Variants in TTC28 observed in about 807,000 individuals in gnomAD.
TTC28 encodes tetratricopeptide repeat protein 28.
A neutral mutation model predicts 198.0 loss-of-function variants in TTC28; 61 were observed. The ratio of observed to expected loss-of-function variants is 0.31; its 90% CI spans 0.25 to 0.38. TTC28 has a LOEUF of 0.38. Ranked by LOEUF, TTC28 falls within the 10% of genes least tolerant of loss-of-function variation. TTC28 has a pLI of 1.00. For missense variants in TTC28, 2,678 were observed against 3,164.0 expected, an observed-to-expected ratio of 0.85 and a Z score of 3.69; for synonymous variants, 1,171 against 1,297.8, an observed-to-expected ratio of 0.90 and a Z score of 2.10.
chr22:28,654,405 G>A (rs1385303183), intron 1 of TTC28, among the ~76,000 whole-genome samples: 3 of 152,130 alleles, frequency 2.0e-5, no homozygotes, highest in Non-Finnish European at 2.9e-5. Flanking sequence ...TCAGCTCACT[G>A]CAACCTCTGC....
At position 28,369,185 on chromosome 22, in the gene TTC28, A is replaced by G. The variant is rs191913822; in HGVS notation, c.382-62542T>C. Among the ~76,000 whole-genome samples, 9 of 152,310 alleles carry G rather than the reference A, an allele frequency of 5.9e-5. No individual in the cohort carries two copies. The East Asian group carries it at 1.7e-3, about 29-fold the overall frequency. On this transcript the variant is annotated intron_variant, in intron 2 of 22. Coordinates refer to ENST00000397906, the MANE Select transcript of TTC28 (RefSeq NM_001145418.2). ...AATCACATACCAGACTTCAAATTACACTACAGAACTATAGTAACCAAAACA... is the reference window on the plus strand; with the variant it reads ...AATCACATACCAGACTTCAAATTACGCTACAGAACTATAGTAACCAAAACA...
chr22:28,675,570 G>A (rs183494059), intron 1 of TTC28, among the ~76,000 whole-genome samples: 4 of 150,252 alleles, frequency 2.7e-5, no homozygotes, highest in East Asian at 2.0e-4. Context: ...TGGGCAACAC[G>A]GCAAAACTCC....
At chr22:28,485,366 A>G (rs1363127029) in intron 2 of TTC28, among the ~76,000 whole-genome samples, 1 of 152,212 alleles carries the variant, frequency 6.6e-6, no homozygotes, top group Admixed American at 6.5e-5. Flanking sequence ...CAGTGACTTT[A>G]TGTTGCCTTT....
At chr22:28,072,111 G>C (rs1169045872) in intron 12 of TTC28, among the ~76,000 whole-genome samples, 3 of 152,248 alleles carry the variant, frequency 2.0e-5, no homozygotes, top group Non-Finnish European at 4.4e-5. Context: ...CTTCACAGGA[G>C]TGGAAGTGGA....
Position 28,204,877 on chromosome 22 carries a change from G to A in TTC28, c.934-41278C>T, listed in dbSNP as rs567419761. On this transcript the variant is annotated intron_variant, in intron 5 of 22. Transcript: ENST00000397906. ...TTCAAAGAAAATTAAATGTCTAAAT[G>A]ATGAGGACTCCTGGTAGCAGTAAAT... Among the ~76,000 whole-genome samples, 435 of 152,244 alleles carry A rather than the reference G, an allele frequency of 2.9e-3. 1 individual carries two copies. The highest frequency in any genetic ancestry group is 2.3e-3 in the Non-Finnish European group (155 of 68,016).
At chr22:28,286,764 A>T (rs576769971) in intron 5 of TTC28, among the ~76,000 whole-genome samples, 123 of 152,258 alleles carry the variant, frequency 8.1e-4, no homozygotes, top group African/African-American at 2.8e-3. Flanking sequence ...AGGGAAAAAT[A>T]AAATTTAAAA....
intron 5 of TTC28, among the ~76,000 whole-genome samples, chr22:28,258,160 G>A (rs1931087407): frequency 6.6e-6 from 1 of 152,130 alleles, no homozygotes; most frequent in South Asian, 2.1e-4. Flanking sequence ...TCAAAGAGCT[G>A]TGCCTGACTT....
chr22:28,186,843 C>T (rs1924249058), intron 5 of TTC28, among the ~76,000 whole-genome samples: 1 of 152,170 alleles, frequency 6.6e-6, no homozygotes, highest in Admixed American at 6.5e-5. Flanking sequence ...GATGGTAGCT[C>T]TGATGGTGCC....
chr22:28,622,444 C>T (rs762665466), intron 2 of TTC28, among the ~76,000 whole-genome samples: 3 of 151,790 alleles, frequency 2.0e-5, no homozygotes, highest in Non-Finnish European at 4.4e-5. Context: ...AAGATAATTA[C>T]CTGTCAAATA....
chr22:28,282,856 T>C (rs910939776), intron 5 of TTC28, among the ~76,000 whole-genome samples: 2 of 152,200 alleles, frequency 1.3e-5, no homozygotes, highest in African/African-American at 4.8e-5. Context: ...TTGGAAAAGA[T>C]GAAACAGCTG....
rs372835544 is a variant in TTC28 at position 28,007,355 on chromosome 22, C to T, written c.4219-5802G>A. On this transcript the variant is annotated intron_variant, in intron 14 of 22. Coordinates refer to ENST00000397906, the MANE Select transcript of TTC28 (RefSeq NM_001145418.2). ...CACCCTCAACCATAACTGAAGCCCA[C>T]CAAGACTGTAGATACTGTATTTCAG... 2.0e-5 allele frequency: 3 copies of T among 152,122 alleles called. No homozygotes were observed. The South Asian group carries it at 6.2e-4, about 32-fold the overall frequency. 9.4% of individuals were successfully genotyped at this position (152,122 alleles called of 1,614,324 possible).
chr22:28,036,294 A>G (rs1939341526), intron 12 of TTC28, among the ~76,000 whole-genome samples: 1 of 152,248 alleles, frequency 6.6e-6, no homozygotes, highest in Non-Finnish European at 1.5e-5. Flanking sequence ...CAAATGTAAA[A>G]GAACAGAAAT....
Position 28,134,493 on chromosome 22 carries a change from C to A in TTC28, c.1442-26090G>T, listed in dbSNP as rs896240306. Among the ~76,000 whole-genome samples, 3 of 152,116 alleles carry A rather than the reference C, an allele frequency of 2.0e-5. No individual in the cohort carries two copies. In the East Asian group the frequency reaches 5.8e-4, roughly 29 times the overall value. The stretch of plus-strand genomic sequence containing the variant: ...TAGACGAATGGCTAACTAGAATAAC[C>A]AGTGTAGAGAAGTCCTGATGGAGCT... On this transcript the variant is annotated intron_variant, in intron 6 of 22. Transcript: ENST00000397906.
chr22:28,539,772 C>CCTGG (rs1465414442), intron 2 of TTC28, among the ~76,000 whole-genome samples: 2 of 151,948 alleles, frequency 1.3e-5, no homozygotes, highest in Non-Finnish European at 2.9e-5. Flanking sequence ...CAGTGTCAGA[C>CCTGG]CTTGCATCAG....
chr22:28,336,813 G>C (rs1407015739), intron 2 of TTC28, among the ~76,000 whole-genome samples: 5 of 151,936 alleles, frequency 3.3e-5, no homozygotes, highest in African/African-American at 1.2e-4. Flanking sequence ...CTGATTTTTT[G>C]AGGGGCTTTT....
chr22:28,359,878 A>T (rs1208609939), intron 2 of TTC28, among the ~76,000 whole-genome samples: 2 of 152,164 alleles, frequency 1.3e-5, no homozygotes, highest in Non-Finnish European at 2.9e-5. Context: ...CACAGAGCTC[A>T]GATAGCTCCA....
intron 2 of TTC28, among the ~76,000 whole-genome samples, chr22:28,477,209 C>T (rs527399865): frequency 6.6e-6 from 1 of 152,266 alleles, no homozygotes; most frequent in South Asian, 2.1e-4. Flanking sequence ...TGAGTATACA[C>T]ATTTCTCAAA....
intron 2 of TTC28, among the ~76,000 whole-genome samples, chr22:28,490,775 G>A (rs2048366574): frequency 6.6e-6 from 1 of 152,088 alleles, no homozygotes; most frequent in East Asian, 1.9e-4. Context: ...TTGAGTAAAT[G>A]GTGCGGTTGT....
At chr22:28,092,298 G>A (rs1941837665) in intron 12 of TTC28, among the ~76,000 whole-genome samples, 1 of 152,162 alleles carries the variant, frequency 6.6e-6, no homozygotes, top group South Asian at 2.1e-4. Flanking sequence ...CTTGCCCTCA[G>A]TTCTGGGACA....
Sources: allele counts gnomAD v4.1 joint callset (sites outside exome capture counted in the v4.1 genomes callset), GRCh38; gene constraint gnomAD v4.1.1; transcripts MANE v1.5; gene names NCBI Gene and HGNC (gene_info 2026-07-23, HGNC 2026-07-21).